ZYG11B: variants seen among roughly 807,000 people sequenced by gnomAD.
ZYG11B encodes the protein protein zyg-11 homolog B.
ZYG11B carries 36 observed loss-of-function variants against 82.4 expected under a neutral mutation model. That is an observed-to-expected ratio of 0.44 (90% CI 0.33 to 0.58). The LOEUF is 0.58. Among genes scored for constraint, ZYG11B ranks in the 20% least tolerant of loss-of-function variants. ZYG11B has a pLI of 0.02. For synonymous variants in ZYG11B, 303 were observed against 312.8 expected, an observed-to-expected ratio of 0.97 and a Z score of 0.33; for missense variants, 552 against 895.6, an observed-to-expected ratio of 0.62 and a Z score of 4.90.
chr1:52,727,915 T>A (rs1003496476), intron 1 of ZYG11B, among the ~76,000 whole-genome samples: 3 of 152,154 alleles, frequency 2.0e-5, no homozygotes, highest in African/African-American at 7.2e-5. Flanking sequence ...TATGTTCCCC[T>A]AGGAGGTTAG....
chr1:52,744,491 A>C (rs4926928), intron 1 of ZYG11B, among the ~76,000 whole-genome samples: 95,426 of 152,116 alleles, frequency 0.63, 31,950 homozygotes, highest in East Asian at 0.97. Context: ...AGGTAATTTG[A>C]CCATTGTGAT....
intron 4 of ZYG11B, 118 bp from the exon 5 acceptor site, chr1:52,784,759 G>A (rs908340401): frequency 3.5e-6 from 4 of 1,128,454 alleles, no homozygotes; most frequent in Non-Finnish European, 5.1e-6. Flanking sequence ...TGCACATGAG[G>A]ATGAAAAAGA....
intron 13 of ZYG11B, among the ~76,000 whole-genome samples, chr1:52,821,089 A>T (rs376621260): frequency 7.9e-6 from 1 of 126,578 alleles, no homozygotes; most frequent in African/African-American, 3.9e-5. Context: ...GACTCTGTCT[A>T]AAAAAAAAAA....
At chr1:52,742,167 G>T (rs1213676716) in intron 1 of ZYG11B, among the ~76,000 whole-genome samples, 1 of 152,080 alleles carries the variant, frequency 6.6e-6, no homozygotes, top group Non-Finnish European at 1.5e-5. Flanking sequence ...TGATTCTTAT[G>T]AGTTGAGAGA....
rs1385751742 is a variant in ZYG11B at position 52,803,275 on chromosome 1, C to G, written c.1695+1136C>G. 3.2e-4 allele frequency among the ~76,000 whole-genome samples: 35 copies of G among 108,136 alleles called. 1 individual carries two copies. Among genetic ancestry groups the G allele is most frequent in the African/African-American group, 1.0e-3 (29 of 27,976 alleles). The allele number at this position is 108,136 out of a possible 152,430, so 70.9% of individuals were successfully genotyped here. A position where few individuals can be genotyped will look rare whatever the true frequency, so the allele number is the denominator to read the frequency against. On this transcript the variant is annotated intron_variant, in intron 10 of 13. Transcript: ENST00000294353. Reference sequence around the variant, plus strand: ...ATATATATATATATATACACACACACACACATATATATATATATATATACA... The same window carrying G: ...ATATATATATATATATACACACACAGACACATATATATATATATATATACA...
rs577778511 is a variant in ZYG11B at position 52,817,620 on chromosome 1, G to A, written c.2044+991G>A. ...AGGCTGGTGTCAAACTCCTAGGCTC[G>A]AACGATCTGCCTGCCTCTTCCTCCC... On this transcript the variant is annotated intron_variant, in intron 13 of 13. Coordinates refer to ENST00000294353, the MANE Select transcript of ZYG11B (RefSeq NM_024646.3). Among the ~76,000 whole-genome samples, 14 of 149,674 alleles carry A rather than the reference G, an allele frequency of 9.4e-5. No homozygotes were observed. The East Asian group carries it at 2.6e-3, about 27-fold the overall frequency.
intron 1 of ZYG11B, among the ~76,000 whole-genome samples, chr1:52,753,774 T>A (rs1644546903): frequency 6.6e-6 from 1 of 151,770 alleles, no homozygotes; most frequent in South Asian, 2.1e-4. Flanking sequence ...TTTTGTATTT[T>A]TAGTAGAGAT....
At chr1:52,761,649 G>T (rs1399618589) in intron 2 of ZYG11B, among the ~76,000 whole-genome samples, 1 of 152,102 alleles carries the variant, frequency 6.6e-6, no homozygotes, top group Non-Finnish European at 1.5e-5. Flanking sequence ...GTAAACACGG[G>T]GTACAGATGT....
At chr1:52,798,035 A>T (rs532463842) in intron 8 of ZYG11B, among the ~76,000 whole-genome samples, 2 of 151,940 alleles carry the variant, frequency 1.3e-5, no homozygotes, top group South Asian at 4.2e-4. Context: ...AGGTGGGAGG[A>T]TCACTTGAGC....
rs577679005 is a variant in ZYG11B at position 52,822,802 on chromosome 1, C to T, written c.*1173C>T. 1 of 152,270 alleles carries T rather than the reference C, an allele frequency of 6.6e-6. No homozygotes were observed. The highest frequency in any genetic ancestry group is 1.9e-4 in the East Asian group (1 of 5,190). The allele number at this position is 152,270 out of a possible 1,614,324, so 9.4% of individuals were successfully genotyped here. A position where few individuals can be genotyped will look rare whatever the true frequency, so the allele number is the denominator to read the frequency against. On this transcript the variant is annotated 3_prime_UTR_variant, in exon 14 of 14. Coordinates refer to ENST00000294353, the MANE Select transcript of ZYG11B (RefSeq NM_024646.3). Reference sequence around the variant, plus strand: ...GATTATTTTTTAGGCAATTACCTTTCCTTAAGGTATCTGATACAGTATAGT... The same window carrying T: ...GATTATTTTTTAGGCAATTACCTTTTCTTAAGGTATCTGATACAGTATAGT...
At chr1:52,811,988 G>A (rs1339338737) in intron 10 of ZYG11B, among the ~76,000 whole-genome samples, 1 of 151,760 alleles carries the variant, frequency 6.6e-6, no homozygotes, top group African/African-American at 2.4e-5. Flanking sequence ...CTGAGATCGC[G>A]CCACTGCACT....
chr1:52,782,986 G>T (rs1644869378), intron 4 of ZYG11B, among the ~76,000 whole-genome samples: 1 of 149,856 alleles, frequency 6.7e-6, no homozygotes, highest in Non-Finnish European at 1.5e-5. Flanking sequence ...GTGTGCAGTG[G>T]TGCTATCTCA....
At chr1:52,783,922 A>G (rs911864507) in intron 4 of ZYG11B, among the ~76,000 whole-genome samples, 4 of 56,972 alleles carry the variant, frequency 7.0e-5, no homozygotes, top group South Asian at 4.7e-4. Flanking sequence ...CTATACATAT[A>G]TGTGTATATA....
Position 52,796,322 on chromosome 1 carries a change from G to A in ZYG11B, c.1365G>A (p.Trp455Ter). The A allele has an allele frequency of 6.2e-7, 1 of 1,613,730 alleles. No individual in the cohort carries two copies. ...AAGCAGCCAAGCTTGTCATGCAGTG[G>A]CTTTGCAACCATGAGGATCAAAACA... ...RFEAAKLVMQ[W>*]LCNHEDQNMQ... is the part of the protein sequence containing the mutation. The change falls in exon 7 of 14, where the codon TGG becomes TGA. Residue 455 changes from tryptophan to a stop codon, truncating the protein, a stop_gained. Transcript: ENST00000294353. LOFTEE classifies it high-confidence loss of function.
intron 3 of ZYG11B, among the ~76,000 whole-genome samples, chr1:52,779,181 G>A (rs78816342): frequency 1.3e-5 from 2 of 152,100 alleles, no homozygotes; most frequent in Non-Finnish European, 2.9e-5. Flanking sequence ...CTTGACTTAC[G>A]GAAAGGTGAG....
chr1:52,761,664 T>A (rs1308579371), intron 2 of ZYG11B, among the ~76,000 whole-genome samples: 1 of 152,206 alleles, frequency 6.6e-6, no homozygotes, highest in South Asian at 2.1e-4. Flanking sequence ...AGATGTCTCT[T>A]TGATAATTTT....
chr1:52,783,803 T>TATATATAC (rs1553260773), intron 4 of ZYG11B, among the ~76,000 whole-genome samples: 1 of 57,004 alleles, frequency 1.8e-5, no homozygotes, highest in East Asian at 1.1e-3. Context: ...TATATATATA[T>TATATATAC]ATACACACAC....
chr1:52,739,879 T>C (rs541825202), intron 1 of ZYG11B, among the ~76,000 whole-genome samples: 71 of 152,336 alleles, frequency 4.7e-4, no homozygotes, highest in African/African-American at 1.6e-3. Context: ...GTGCTGGTAT[T>C]ACAGGCATGA....
At chr1:52,756,318 T>C in intron 1 of ZYG11B, 140 bp from the exon 2 acceptor site, 1 of 688,898 alleles carries the variant, frequency 1.5e-6, no homozygotes, top group Non-Finnish European at 2.4e-6. Context: ...TGTATTCCAC[T>C]GCCTTACACA....
Sources: gnomAD v4.1 joint callset for allele counts (sites outside exome capture counted in the v4.1 genomes callset) on GRCh38, gnomAD v4.1.1 for gene constraint, MANE v1.5 for transcripts, NCBI Gene and HGNC (gene_info 2026-07-23, HGNC 2026-07-21) for gene names.